Variants in SMC6 observed in about 807,000 individuals in gnomAD.
The protein encoded by SMC6 is structural maintenance of chromosomes 6.
Under a neutral mutation model 142.2 loss-of-function variants are expected in SMC6, and 79 were observed. The ratio of observed to expected loss-of-function variants is 0.56; its 90% CI spans 0.46 to 0.67. The LOEUF (loss-of-function observed/expected upper bound fraction) is 0.67, where lower values mean the gene tolerates loss of function less well. Ranked by LOEUF, SMC6 falls within the 30% of genes least tolerant of loss-of-function variation. The probability of loss-of-function intolerance (pLI) is 0.00; values close to 1 mark genes in which losing one functional copy is unlikely to be tolerated. For synonymous variants in SMC6, 411 were observed against 412.4 expected (o/e 1.00, Z 0.04); for missense variants, 1,072 against 1,284.0 (o/e 0.83, Z 2.52).
rs376420347 is a variant in SMC6 at position 17,695,212 on chromosome 2, C to T, written c.2618G>A (p.Arg873Gln). 20 of 1,613,502 alleles carry T rather than the reference C, an allele frequency of 1.2e-5. No individual in the cohort carries two copies. The highest frequency in any genetic ancestry group is 2.7e-5 in the African/African-American group (2 of 74,888). Residue 873 changes from arginine (R) to glutamine (Q), a missense_variant, in exon 23 of 28, where the codon CGA becomes CAA. Physicochemically the swap from Arg to Gln is conservative, Grantham distance 43. Coordinates refer to ENST00000448223, the MANE Select transcript of SMC6 (RefSeq NM_001142286.2). ...TTCTGCCTGTATCTTCTGCCTTAAT[C>T]GATTAATTTCTTTGTCCAGAATTGA... ...SASILDKEIN[R>Q]LRQKIQAEHA...
At chr2:17,690,630 A>C (rs558297199) in intron 23 of SMC6, among the ~76,000 whole-genome samples, 10 of 151,916 alleles carry the variant, frequency 6.6e-5, no homozygotes, top group South Asian at 6.2e-4. Flanking sequence ...ACAAAAAAAA[A>C]CTCCCTGTGA....
At chr2:17,726,296 C>A in intron 8 of SMC6, 93 bp downstream of exon 8, 5 of 867,158 alleles carry the variant, frequency 5.8e-6, no homozygotes, top group South Asian at 2.6e-5. Flanking sequence ...AAAAAAAAAA[C>A]TCAGCCTCCA....
At chr2:17,725,153 GT>G in intron 9 of SMC6, 103 bp downstream of exon 9, 1 of 741,670 alleles carries the variant, frequency 1.3e-6, no homozygotes, top group Non-Finnish European at 2.2e-6. Flanking sequence ...AATATTACTA[GT>G]TTTATATAAA....
At chr2:17,705,770 T>C (rs560772557) in intron 18 of SMC6, among the ~76,000 whole-genome samples, 1 of 152,220 alleles carries the variant, frequency 6.6e-6, no homozygotes, top group Admixed American at 6.5e-5. Flanking sequence ...CTAATTCCTA[T>C]ACATTTTCAT....
intron 24 of SMC6, among the ~76,000 whole-genome samples, chr2:17,682,660 A>G (rs1667284769): frequency 6.6e-6 from 1 of 152,126 alleles, no homozygotes. Context: ...TGTGATTTAC[A>G]AGGTATCGGT....
intron 26 of SMC6, 70 bp from the exon 27 acceptor site, chr2:17,666,587 G>T: frequency 8.9e-7 from 1 of 1,127,170 alleles, no homozygotes; most frequent in East Asian, 2.4e-5. Context: ...AGCATTCTGT[G>T]GGCTGATACA....
intron 23 of SMC6, among the ~76,000 whole-genome samples, chr2:17,691,734 G>T (rs1459822369): frequency 6.6e-6 from 1 of 152,158 alleles, no homozygotes; most frequent in Non-Finnish European, 1.5e-5. Context: ...GCAGGAGAAG[G>T]AAATAAAGGG....
chr2:17,677,441 T>G (rs1348774383), intron 25 of SMC6, among the ~76,000 whole-genome samples: 1 of 152,150 alleles, frequency 6.6e-6, no homozygotes, highest in African/African-American at 2.4e-5. Flanking sequence ...GTTTCTACTC[T>G]GTCTTGTCAG....
At chr2:17,674,791 T>G (rs78944043) in intron 25 of SMC6, among the ~76,000 whole-genome samples, 18 of 152,124 alleles carry the variant, frequency 1.2e-4, no homozygotes, top group Non-Finnish European at 2.4e-4. Flanking sequence ...TCTAGTAATA[T>G]TTCTTGCATA....
At chr2:17,725,858 C>T (rs1043085391) in intron 8 of SMC6, among the ~76,000 whole-genome samples, 3 of 151,970 alleles carry the variant, frequency 2.0e-5, no homozygotes, top group Non-Finnish European at 4.4e-5. Context: ...TAGGCCAAAG[C>T]AGGTGGATCA....
chr2:17,741,002 C>T (rs1168009481), intron 4 of SMC6, among the ~76,000 whole-genome samples: 2 of 152,166 alleles, frequency 1.3e-5, no homozygotes, highest in African/African-American at 4.8e-5. Flanking sequence ...GCATGACTCT[C>T]CACAGTCAGC....
rs770310177 is a variant in SMC6 at position 17,701,784 on chromosome 2, C to T, written c.2223+45G>A. On this transcript the variant is annotated intron_variant, in intron 20 of 27. Coordinates refer to ENST00000448223, the MANE Select transcript of SMC6 (RefSeq NM_001142286.2). The stretch of plus-strand genomic sequence containing the variant: ...TTGATGCCATTAACCTAAATGGTGG[C>T]TTTACCCTTTAATATTACATTTAAA... 4.2e-6 allele frequency: 5 copies of T among 1,193,930 alleles called. No individual in the cohort carries two copies. The African/African-American group carries it at 7.8e-5, about 19-fold the overall frequency. 74.0% of individuals were successfully genotyped at this position (1,193,930 alleles called of 1,614,324 possible). A position where few individuals can be genotyped will look rare whatever the true frequency, so the allele number is the denominator to read the frequency against.
chr2:17,748,622 T>C (rs959260120), intron 2 of SMC6, among the ~76,000 whole-genome samples: 13 of 152,354 alleles, frequency 8.5e-5, no homozygotes, highest in African/African-American at 3.1e-4. Context: ...TAATTTAAAT[T>C]CCCTGAGATA....
chr2:17,732,047 C>T (rs1669938009), intron 5 of SMC6, among the ~76,000 whole-genome samples, 170 bp from the exon 6 acceptor site: 1 of 152,122 alleles, frequency 6.6e-6, no homozygotes, highest in South Asian at 2.1e-4. Flanking sequence ...ATAACGTTAA[C>T]GATACTGTGC....
Position 17,707,224 on chromosome 2 carries a change from T to A in SMC6, c.2001A>T (p.Glu667Asp). Residue 667 changes from glutamate to aspartate, a missense_variant, in exon 18 of 28, where the codon GAA (glutamate) becomes GAT (aspartate). Physicochemically the swap from Glu to Asp is conservative, Grantham distance 45 (BLOSUM62 2). Around this residue, in one of 3 missense-constraint regions of SMC6, gnomAD observed 994 missense variants for 1,153.2 expected, o/e 0.86. Coordinates refer to ENST00000448223, the MANE Select transcript of SMC6 (RefSeq NM_001142286.2). The stretch of plus-strand genomic sequence containing the variant: ...AAGCTAAACTTGACTCTAACCTTAT[T>A]TCAGAATCCACATCTCTGCTTAGGA... Reference protein sequence around the residue: ...PKFLSRDVDSEISDLENEVEN... With the variant: ...PKFLSRDVDSDISDLENEVEN... 6.3e-7 allele frequency: 1 copy of A among 1,577,244 alleles called. No individual in the cohort carries two copies. The highest frequency in any genetic ancestry group is 8.6e-7 in the Non-Finnish European group (1 of 1,164,804).
Position 17,684,743 on chromosome 2 carries a change from T to C in SMC6, c.2679-980A>G, listed in dbSNP as rs539038693. Among the ~76,000 whole-genome samples the C allele has an allele frequency of 5.9e-5, 9 of 152,214 alleles. No individual in the cohort carries two copies. The South Asian group carries it at 1.7e-3, about 28-fold the overall frequency. ...TCAGGAGGGTGAGGCACAGGATCAC[T>C]TGAACCCAGAAGTTCAAGGCTGCAG... On this transcript the variant is annotated intron_variant, in intron 23 of 27. Transcript: ENST00000448223.
intron 24 of SMC6, chr2:17,681,564 C>G (rs555269986): frequency 6.6e-6 from 1 of 152,118 alleles, no homozygotes; most frequent in African/African-American, 2.4e-5. Flanking sequence ...TATTAACTAG[C>G]CTAATTTCAA....
chr2:17,730,514 G>C (rs1201760140), intron 7 of SMC6, among the ~76,000 whole-genome samples: 1 of 151,514 alleles, frequency 6.6e-6, no homozygotes, highest in Non-Finnish European at 1.5e-5. Context: ...TTTTAGCCTA[G>C]AGCAGTATAG....
At chr2:17,684,954 G>C (rs1272987274) in intron 23 of SMC6, among the ~76,000 whole-genome samples, 1 of 152,014 alleles carries the variant, frequency 6.6e-6, no homozygotes, top group African/African-American at 2.4e-5. Flanking sequence ...TCAAACAAGA[G>C]GAGTAGGTAA....
Sources: gnomAD v4.1 joint callset for allele counts (sites outside exome capture counted in the v4.1 genomes callset) on GRCh38, gnomAD v4.1.1 for gene constraint, gnomAD v4.1.1 regional missense constraint, MANE v1.5 for transcripts, NCBI Gene and HGNC (gene_info 2026-07-23, HGNC 2026-07-21) for gene names.